DCC: variants seen among roughly 807,000 people sequenced by gnomAD.
The protein encoded by DCC is netrin receptor DCC.
Under a neutral mutation model 172.5 loss-of-function variants are expected in DCC, and 58 were observed. The ratio of observed to expected loss-of-function variants is 0.34; its 90% CI spans 0.27 to 0.42. DCC has a LOEUF of 0.42. DCC is among the 10% of genes least tolerant of loss of function. The probability of loss-of-function intolerance (pLI) is 1.00; values close to 1 mark genes in which losing one functional copy is unlikely to be tolerated. For missense variants in DCC, 1,740 were observed against 1,791.0 expected, an observed-to-expected ratio of 0.97 and a Z score of 0.51; for synonymous variants, 709 against 644.5, an observed-to-expected ratio of 1.10 and a Z score of -1.52.
intron 1 of DCC, among the ~76,000 whole-genome samples, chr18:52,417,232 C>T (rs955586232): frequency 1.2e-4 from 19 of 152,060 alleles, no homozygotes; most frequent in Non-Finnish European, 2.1e-4. Context: ...GAGTTTCTGC[C>T]GAGAGATCCG....
At chr18:53,474,204 T>C (rs537235207) in intron 25 of DCC, among the ~76,000 whole-genome samples, 229 of 152,298 alleles carry the variant, frequency 1.5e-3, no homozygotes, top group Non-Finnish European at 2.1e-3. Context: ...AGAATGTGGG[T>C]TATTTGTAAT....
At chr18:52,358,998 G>A (rs781622626) in intron 1 of DCC, among the ~76,000 whole-genome samples, 1 of 152,106 alleles carries the variant, frequency 6.6e-6, no homozygotes, top group Non-Finnish European at 1.5e-5. Context: ...AATCCTCCAT[G>A]ACAACAATTC....
chr18:53,436,906 C>A (rs969201709), intron 22 of DCC, among the ~76,000 whole-genome samples: 2 of 152,140 alleles, frequency 1.3e-5, no homozygotes, highest in Non-Finnish European at 2.9e-5. Context: ...CAGTTGATGC[C>A]TTCCAGCTGT....
At chr18:52,655,385 G>T (rs900168804) in intron 1 of DCC, among the ~76,000 whole-genome samples, 1 of 151,986 alleles carries the variant, frequency 6.6e-6, no homozygotes, top group Non-Finnish European at 1.5e-5. Context: ...TGAAAATGGC[G>T]GTCTCTAAGT....
intron 8 of DCC, among the ~76,000 whole-genome samples, chr18:53,176,194 C>T (rs1181707884): frequency 7.5e-6 from 1 of 133,028 alleles, no homozygotes; most frequent in Non-Finnish European, 1.6e-5. Flanking sequence ...GGATTAAAGA[C>T]TTAAATGTTA....
At chr18:53,136,193 TTATCTATC>T (rs149182187) in intron 7 of DCC, among the ~76,000 whole-genome samples, 1 of 148,954 alleles carries the variant, frequency 6.7e-6, no homozygotes, top group Non-Finnish European at 1.5e-5. Flanking sequence ...GCATGTGATT[TTATCTATC>T]TATCTATCTA....
At chr18:52,692,202 G>A in intron 1 of DCC, among the ~76,000 whole-genome samples, 1 of 152,108 alleles carries the variant, frequency 6.6e-6, no homozygotes, top group Non-Finnish European at 1.5e-5. Context: ...GATATTCTTT[G>A]ACAGGGTAAT....
At chr18:53,129,022 G>A (rs1225261765) in intron 7 of DCC, among the ~76,000 whole-genome samples, 3 of 151,582 alleles carry the variant, frequency 2.0e-5, no homozygotes, top group Admixed American at 6.6e-5. Flanking sequence ...GAGTAGCTGG[G>A]ACTACAGGCA....
rs142018567 is a variant in DCC, at chr18:53,106,639, C to G, written c.1261+40473C>G. On this transcript the variant is annotated intron_variant, in intron 7 of 28. Transcript: ENST00000442544. Reference sequence around the variant, plus strand: ...CTGGAAAGGGATCCTGATCTAGACCCCAAGAGAGGGTTGTTGGATCTAGAA... The same window carrying G: ...CTGGAAAGGGATCCTGATCTAGACCGCAAGAGAGGGTTGTTGGATCTAGAA... Among the ~76,000 whole-genome samples, 108 of 151,906 alleles carry G rather than the reference C, an allele frequency of 7.1e-4. 1 individual carries two copies. The East Asian group carries it at 9.3e-3, about 13-fold the overall frequency.
intron 26 of DCC, among the ~76,000 whole-genome samples, chr18:53,494,131 G>A (rs1222026542): frequency 1.3e-5 from 2 of 152,176 alleles, no homozygotes; most frequent in Non-Finnish European, 2.9e-5. Flanking sequence ...ATGTAGTTGT[G>A]TGGTTTTGAG....
intron 1 of DCC, among the ~76,000 whole-genome samples, chr18:52,740,674 G>T (rs1025034619): frequency 3.3e-5 from 5 of 152,134 alleles, no homozygotes; most frequent in Admixed American, 1.3e-4. Context: ...TAATAAAGCA[G>T]CCCACGCTTT....
chr18:52,555,206 G>C (rs17755292), intron 1 of DCC, among the ~76,000 whole-genome samples: 3,069 of 152,218 alleles, frequency 0.02, 108 homozygotes, highest in East Asian at 0.096. Flanking sequence ...TCGAAGAGCA[G>C]TGTAGGTATT....
chr18:52,899,356 T>C (rs2039777208), intron 2 of DCC, among the ~76,000 whole-genome samples: 1 of 139,690 alleles, frequency 7.2e-6, no homozygotes, highest in Non-Finnish European at 1.6e-5. Flanking sequence ...TTTTTTTTTT[T>C]TTTTTTTTTT....
chr18:52,497,026 G>A (rs191838738), intron 1 of DCC, among the ~76,000 whole-genome samples: 1 of 151,656 alleles, frequency 6.6e-6, no homozygotes, highest in East Asian at 2.0e-4. Flanking sequence ...AGTTAAGGCA[G>A]GAGGGTCCCT....
rs1461455965 is a variant in DCC, at chr18:53,428,205, T to C, written c.3164-6939T>C. The stretch of plus-strand genomic sequence containing the variant: ...ATATAATATAGAATATATAATATTA[T>C]ATATAAGTATATATAATTATAATTA... On this transcript the variant is annotated intron_variant, in intron 21 of 28. Transcript: ENST00000442544. Among the ~76,000 whole-genome samples the C allele has an allele frequency of 7.6e-5, 2 of 26,466 alleles. 1 individual carries two copies. The highest frequency in any genetic ancestry group is 2.1e-4 in the Non-Finnish European group (2 of 9,646). The allele number at this position is 26,466 out of a possible 152,430, so 17.4% of individuals were successfully genotyped here. A position where few individuals can be genotyped will look rare whatever the true frequency, so the allele number is the denominator to read the frequency against.
intron 13 of DCC, among the ~76,000 whole-genome samples, chr18:53,321,708 A>C (rs1228199613): frequency 2.0e-5 from 3 of 152,194 alleles, no homozygotes; most frequent in African/African-American, 7.2e-5. Flanking sequence ...TTCTTGATTT[A>C]TAGACGTGGA....
Position 53,075,382 on chromosome 18 carries a change from T to C in DCC, c.1261+9216T>C, listed in dbSNP as rs143003578. 2.6e-3 allele frequency among the ~76,000 whole-genome samples: 393 copies of C among 152,310 alleles called. 11 individuals are homozygous for C. Among genetic ancestry groups the C allele is most frequent in the East Asian group, 0.019 (97 of 5,186 alleles). On this transcript the variant is annotated intron_variant, in intron 7 of 28. Coordinates refer to ENST00000442544, the MANE Select transcript of DCC (RefSeq NM_005215.4). ...CAGCTCAGTGCTAATCAAGAGGATA[T>C]GGCTGTATGGCAGACTTTGAAATTA...
intron 1 of DCC, among the ~76,000 whole-genome samples, chr18:52,509,229 T>C (rs2031345759): frequency 6.6e-6 from 1 of 152,248 alleles, no homozygotes; most frequent in East Asian, 1.9e-4. Flanking sequence ...TAATGTGGTA[T>C]TACTATTTTA....
Position 52,780,235 on chromosome 18 carries a change from A to T in DCC, c.412+27861A>T, listed in dbSNP as rs1401074554. Among the ~76,000 whole-genome samples the T allele has an allele frequency of 2.0e-5, 3 of 152,146 alleles. No homozygotes were observed. The East Asian group carries it at 5.8e-4, about 29-fold the overall frequency. ...GATTCAATAGATATGTAGTTATACA[A>T]ATTGACACAACCCAGGAATCTAGCT... On this transcript the variant is annotated intron_variant, in intron 2 of 28. Transcript: ENST00000442544.
Sources: gnomAD v4.1 joint callset for allele counts (sites outside exome capture counted in the v4.1 genomes callset) on GRCh38, gnomAD v4.1.1 for gene constraint, MANE v1.5 for transcripts, NCBI Gene and HGNC (gene_info 2026-07-23, HGNC 2026-07-21) for gene names.